The following IMPG1 variants were observed in gnomAD, a reference collection of about 807,000 sequenced individuals.
IMPG1 encodes the protein interphotoreceptor matrix proteoglycan of 150 kDa.
In IMPG1, 85 loss-of-function variants were observed where a neutral mutation model predicts 92.0. That is an observed-to-expected ratio of 0.92 (90% CI 0.78 to 1.11). The LOEUF is 1.11. Among genes scored for constraint, IMPG1 ranks in the 50% least tolerant of loss-of-function variants. The probability of loss-of-function intolerance (pLI) is 0.00; values close to 1 mark genes in which losing one functional copy is unlikely to be tolerated. For synonymous variants in IMPG1, 367 were observed against 334.1 expected (o/e 1.10, Z -1.08); for missense variants, 1,022 against 956.0 (o/e 1.07, Z -0.91).
intron 12 of IMPG1, among the ~76,000 whole-genome samples, chr6:75,990,781 C>T (rs1456722059): frequency 6.6e-6 from 1 of 152,130 alleles, no homozygotes; most frequent in Non-Finnish European, 1.5e-5. Context: ...TTGCAATCTA[C>T]TGACACCTTC....
intron 12 of IMPG1, among the ~76,000 whole-genome samples, chr6:75,979,146 G>A (rs1782586633): frequency 6.6e-6 from 1 of 151,958 alleles, no homozygotes; most frequent in Non-Finnish European, 1.5e-5. Flanking sequence ...CAAACTCCTG[G>A]GCTCAAGGAA....
Position 76,066,980 on chromosome 6 carries a change from T to TA in IMPG1, c.67+5441dup, listed in dbSNP as rs570320631. Among the ~76,000 whole-genome samples the TA allele has an allele frequency of 1.3e-4, 19 of 151,498 alleles. No homozygotes were observed. In the East Asian group the frequency reaches 3.7e-3, roughly 29 times the overall value. ...TCAATGACAAAATTAACACGGAAAT[T>TA]AAAAAAAATTGAAACTTACGAAAAT... On this transcript the variant is annotated intron_variant, in intron 1 of 16. Coordinates refer to ENST00000369950, the MANE Select transcript of IMPG1 (RefSeq NM_001563.4).
chr6:75,937,234 A>T (rs1272895822), intron 14 of IMPG1, among the ~76,000 whole-genome samples: 2 of 151,530 alleles, frequency 1.3e-5, no homozygotes, highest in Non-Finnish European at 2.9e-5. Context: ...ACTCTTGGGC[A>T]CTCAGGACTT....
At chr6:76,056,817 T>C (rs1025076602) in intron 1 of IMPG1, among the ~76,000 whole-genome samples, 7 of 152,170 alleles carry the variant, frequency 4.6e-5, no homozygotes, top group African/African-American at 1.7e-4. Context: ...TTATGTCTTA[T>C]TTGGAAAATT....
Position 75,976,649 on chromosome 6 carries a change from T to C in IMPG1, c.1292-25555A>G, listed in dbSNP as rs528141786. 2.0e-5 allele frequency among the ~76,000 whole-genome samples: 3 copies of C among 152,214 alleles called. No individual in the cohort carries two copies. The South Asian group carries it at 6.2e-4, about 32-fold the overall frequency. On this transcript the variant is annotated intron_variant, in intron 12 of 16. Transcript: ENST00000369950. The stretch of plus-strand genomic sequence containing the variant: ...ATCCTTGGCCAGGTGCGGTGTCTCA[T>C]GCCTGTAATCCCAGCACTTTGGGAG...
intron 14 of IMPG1, among the ~76,000 whole-genome samples, chr6:75,935,929 C>A (rs1781737160): frequency 6.6e-6 from 1 of 152,154 alleles, no homozygotes; most frequent in African/African-American, 2.4e-5. Context: ...TTTTACATAG[C>A]GCTTGGGGCT....
At chr6:75,950,495 A>C in intron 13 of IMPG1, 67 bp downstream of exon 13, 1 of 1,347,970 alleles carries the variant, frequency 7.4e-7, no homozygotes, top group Non-Finnish European at 1.0e-6. Context: ...GCCAATAATT[A>C]TATTATAAAA....
At chr6:75,963,340 C>T (rs1233757750) in intron 12 of IMPG1, among the ~76,000 whole-genome samples, 1 of 152,090 alleles carries the variant, frequency 6.6e-6, no homozygotes, top group African/African-American at 2.4e-5. Context: ...TTAAAAGGGA[C>T]TGAGTTAAAA....
intron 12 of IMPG1, among the ~76,000 whole-genome samples, chr6:75,990,009 G>A (rs987572497): frequency 7.9e-5 from 12 of 151,936 alleles, no homozygotes; most frequent in African/African-American, 1.9e-4. Flanking sequence ...AAATATATAC[G>A]ATTTATGAAA....
intron 12 of IMPG1, among the ~76,000 whole-genome samples, chr6:75,983,573 A>G (rs2149470513): frequency 6.6e-6 from 1 of 152,262 alleles, no homozygotes; most frequent in South Asian, 2.1e-4. Flanking sequence ...ACAAAAATCA[A>G]CTCAAAATGG....
At position 75,989,192 on chromosome 6, in the gene IMPG1, G is replaced by A. The variant is rs534537025; in HGVS notation, c.1291+13726C>T. Among the ~76,000 whole-genome samples the A allele has an allele frequency of 8.9e-4, 136 of 152,196 alleles. 1 individual carries two copies. The highest frequency in any genetic ancestry group is 2.6e-3 in the African/African-American group (110 of 41,534). On this transcript the variant is annotated intron_variant, in intron 12 of 16. Transcript: ENST00000369950. ...CATTCTCCAACTCCTGGGCTCAAGC[G>A]ATCCTCCTGCCTCAGCCCCCCGAGT...
At chr6:75,935,714 G>A (rs1781734339) in intron 14 of IMPG1, among the ~76,000 whole-genome samples, 1 of 152,172 alleles carries the variant, frequency 6.6e-6, no homozygotes, top group Non-Finnish European at 1.5e-5. Context: ...ATGCTTTTAG[G>A]AGCCCACAAA....
At chr6:76,025,905 C>A (rs1482490709) in intron 4 of IMPG1, among the ~76,000 whole-genome samples, 1 of 152,002 alleles carries the variant, frequency 6.6e-6, no homozygotes, top group Non-Finnish European at 1.5e-5. Flanking sequence ...TAATATTGGC[C>A]CATTCTAACA....
At chr6:76,062,004 G>A (rs981034858) in intron 1 of IMPG1, among the ~76,000 whole-genome samples, 1 of 152,154 alleles carries the variant, frequency 6.6e-6, no homozygotes, top group African/African-American at 2.4e-5. Flanking sequence ...CTTAAAAGAA[G>A]CCTTTTGAAA....
At chr6:75,963,495 T>C (rs1299911987) in intron 12 of IMPG1, among the ~76,000 whole-genome samples, 2 of 152,202 alleles carry the variant, frequency 1.3e-5, no homozygotes, top group African/African-American at 4.8e-5. Context: ...AACGCAGTTA[T>C]AAGAAATAAT....
intron 12 of IMPG1, among the ~76,000 whole-genome samples, chr6:75,970,950 C>T (rs1208761760): frequency 6.6e-6 from 1 of 152,096 alleles, no homozygotes; most frequent in African/African-American, 2.4e-5. Flanking sequence ...CCATTTGACC[C>T]AGCAATCCCA....
intron 1 of IMPG1, among the ~76,000 whole-genome samples, chr6:76,052,250 A>T (rs1784055144): frequency 6.6e-6 from 1 of 152,146 alleles, no homozygotes; most frequent in Non-Finnish European, 1.5e-5. Flanking sequence ...TTTCAACTGT[A>T]CCCAGAACAG....
intron 12 of IMPG1, among the ~76,000 whole-genome samples, chr6:75,985,769 A>G (rs1292357312): frequency 1.3e-5 from 2 of 152,210 alleles, no homozygotes; most frequent in Non-Finnish European, 2.9e-5. Context: ...GTGCTGAGCC[A>G]TACTGAATTC....
At chr6:76,018,307 G>T (rs1225619420) in intron 7 of IMPG1, among the ~76,000 whole-genome samples, 2 of 152,108 alleles carry the variant, frequency 1.3e-5, no homozygotes, top group African/African-American at 4.8e-5. Flanking sequence ...TGTGAATGTG[G>T]TCTCTCTCTC....
Sources: gnomAD v4.1 joint callset for allele counts (sites outside exome capture counted in the v4.1 genomes callset) on GRCh38, gnomAD v4.1.1 for gene constraint, MANE v1.5 for transcripts, NCBI Gene and HGNC (gene_info 2026-07-23, HGNC 2026-07-21) for gene names.